PSD3: variants seen among roughly 807,000 people sequenced by gnomAD.
PSD3 encodes the protein pleckstrin and Sec7 domain containing 3.
PSD3 carries 49 observed loss-of-function variants against 105.5 expected under a neutral mutation model. The observed-to-expected ratio is 0.46, with a 90% CI of 0.37 to 0.59. PSD3 has a LOEUF of 0.59. Among genes scored for constraint, PSD3 ranks in the 20% least tolerant of loss-of-function variants. PSD3 has a pLI of 0.00. For synonymous variants in PSD3, 557 were observed against 457.8 expected (o/e 1.22, Z -2.77); for missense variants, 1,561 against 1,263.8 (o/e 1.24, Z -3.57).
At chr8:18,688,993 C>T (rs1004875012) in intron 9 of PSD3, among the ~76,000 whole-genome samples, 3 of 152,130 alleles carry the variant, frequency 2.0e-5, no homozygotes, top group East Asian at 1.9e-4. Flanking sequence ...ACTAATTAAG[C>T]GGAAGGCTGG....
At chr8:18,979,631 T>A (rs1825146340) in intron 1 of PSD3, 1 of 153,604 alleles carries the variant, frequency 6.5e-6, no homozygotes, top group Admixed American at 6.4e-5. Context: ...TTCTTCTTGT[T>A]AGAGCTCGGA....
chr8:18,817,085 G>A lies in PSD3; in HGVS notation c.1635-12187C>T, dbSNP rs553631427. ...ATGGCCCAGAGGAGCCTCCATGGCTGGAGAGGAGTGAGCAAGGGGAAGAGG... is the reference window on the plus strand; with the variant it reads ...ATGGCCCAGAGGAGCCTCCATGGCTAGAGAGGAGTGAGCAAGGGGAAGAGG... On this transcript the variant is annotated intron_variant, in intron 4 of 15. Coordinates refer to ENST00000327040, the MANE Select transcript of PSD3 (RefSeq NM_015310.4). Among the ~76,000 whole-genome samples the A allele has an allele frequency of 2.6e-5, 4 of 152,158 alleles. 1 individual carries two copies. In the South Asian group the frequency reaches 8.3e-4, roughly 32 times the overall value.
chr8:18,999,154 T>C (rs1826236370), intron 1 of PSD3, among the ~76,000 whole-genome samples: 1 of 151,992 alleles, frequency 6.6e-6, no homozygotes, highest in Non-Finnish European at 1.5e-5. Flanking sequence ...TCCTAATGTC[T>C]CTACCTTATA....
intron 14 of PSD3, among the ~76,000 whole-genome samples, chr8:18,567,097 G>T (rs566864738): frequency 6.6e-6 from 1 of 152,266 alleles, no homozygotes; most frequent in African/African-American, 2.4e-5. Flanking sequence ...GTTGCTCTAA[G>T]TTACATTCAC....
intron 1 of PSD3, among the ~76,000 whole-genome samples, chr8:18,969,785 G>A (rs1824516445): frequency 1.3e-5 from 2 of 152,010 alleles, no homozygotes; most frequent in Middle Eastern, 3.2e-3. Flanking sequence ...TTCTAGTCAC[G>A]AGGAGCAAAT....
At chr8:18,580,654 A>C (rs1316409107) in intron 12 of PSD3, among the ~76,000 whole-genome samples, 1 of 152,198 alleles carries the variant, frequency 6.6e-6, no homozygotes, top group African/African-American at 2.4e-5. Flanking sequence ...CCAGAGAATA[A>C]AGATGATTCT....
At chr8:19,051,352 A>G (rs1828523108) in intron 1 of PSD3, among the ~76,000 whole-genome samples, 2 of 152,146 alleles carry the variant, frequency 1.3e-5, no homozygotes, top group Non-Finnish European at 2.9e-5. Context: ...ACATACTCTC[A>G]TATGACTCAG....
At chr8:18,582,925 A>C (rs1309865266) in intron 12 of PSD3, among the ~76,000 whole-genome samples, 1 of 149,656 alleles carries the variant, frequency 6.7e-6, no homozygotes, top group Non-Finnish European at 1.5e-5. Flanking sequence ...TCCTGGGTTC[A>C]AGCAATTCTC....
chr8:18,681,104 A>C (rs1436349107), intron 9 of PSD3, among the ~76,000 whole-genome samples: 1 of 152,228 alleles, frequency 6.6e-6, no homozygotes, highest in Non-Finnish European at 1.5e-5. Context: ...TATTACACCT[A>C]TTCTAGAAAG....
In PSD3 at chr8:18,527,552, C is replaced by T. The variant is rs1200816253; in HGVS notation, c.*8191G>A. 2.0e-5 allele frequency: 3 copies of T among 152,612 alleles called. No individual in the cohort carries two copies. The highest frequency in any genetic ancestry group is 2.0e-4 in the Admixed American group (3 of 15,268). 9.5% of individuals were successfully genotyped at this position (152,612 alleles called of 1,614,324 possible). ...CAGCTTCTATACATATCAGATGACT[C>T]ACTTGTCTACAAGGTTTAGATTTAC... is the stretch of plus-strand genomic sequence containing the variant. On this transcript the variant is annotated 3_prime_UTR_variant, in exon 16 of 16. Coordinates refer to ENST00000327040, the MANE Select transcript of PSD3 (RefSeq NM_015310.4).
chr8:18,715,326 T>C (rs1213950539), intron 9 of PSD3, among the ~76,000 whole-genome samples: 2 of 151,856 alleles, frequency 1.3e-5, no homozygotes, highest in Non-Finnish European at 2.9e-5. Flanking sequence ...AATGACCCAT[T>C]AATAGGTTAC....
chr8:18,650,127 G>T (rs1291423804), intron 10 of PSD3, among the ~76,000 whole-genome samples: 2 of 152,194 alleles, frequency 1.3e-5, no homozygotes, highest in African/African-American at 4.8e-5. Context: ...TGAAAGAGAG[G>T]AACATTAATT....
In PSD3 at chr8:18,528,783, C is replaced by T. The variant is rs1302297505; in HGVS notation, c.*6960G>A. 6.6e-6 allele frequency: 1 copy of T among 152,646 alleles called. No individual in the cohort carries two copies. Among genetic ancestry groups the T allele is most frequent in the Non-Finnish European group, 1.5e-5 (1 of 68,056 alleles). 9.5% of individuals were successfully genotyped at this position (152,646 alleles called of 1,614,324 possible). A position where few individuals can be genotyped will look rare whatever the true frequency, so the allele number is the denominator to read the frequency against. On this transcript the variant is annotated 3_prime_UTR_variant, in exon 16 of 16. Coordinates refer to ENST00000327040, the MANE Select transcript of PSD3 (RefSeq NM_015310.4). ...AAATATTAAGTGAAACTCCAAAATT[C>T]TCTCCATTAACCAACATTTTCAGGA...
At chr8:18,568,257 T>C (rs2130287158) in intron 14 of PSD3, among the ~76,000 whole-genome samples, 1 of 152,280 alleles carries the variant, frequency 6.6e-6, no homozygotes, top group African/African-American at 2.4e-5. Flanking sequence ...AATATCACAT[T>C]TTTAAATCTA....
chr8:18,851,280 C>T lies in PSD3; in HGVS notation c.1634+16394G>A, dbSNP rs185120494. 2.3e-4 allele frequency among the ~76,000 whole-genome samples: 35 copies of T among 152,292 alleles called. No individual in the cohort carries two copies. In the South Asian group the frequency reaches 3.7e-3, roughly 16 times the overall value. On this transcript the variant is annotated intron_variant, in intron 4 of 15. Transcript: ENST00000327040. ...AGTCATAGCTGGTAAACAACAAGGC[C>T]GGAAGTTGAGCCTACATCTTCCAAC...
At chr8:18,896,312 C>A (rs951453685) in intron 2 of PSD3, among the ~76,000 whole-genome samples, 6 of 152,202 alleles carry the variant, frequency 3.9e-5, no homozygotes, top group Non-Finnish European at 8.8e-5. Context: ...ATACTGATTT[C>A]CTTTTTTCTG....
chr8:18,826,234 C>CT (rs1404869930), intron 4 of PSD3, among the ~76,000 whole-genome samples: 11 of 152,306 alleles, frequency 7.2e-5, no homozygotes, highest in African/African-American at 2.4e-4. Flanking sequence ...ACACCAGAGG[C>CT]TTCCCTGGGT....
At chr8:19,031,068 A>G (rs1827751118) in intron 1 of PSD3, among the ~76,000 whole-genome samples, 1 of 152,190 alleles carries the variant, frequency 6.6e-6, no homozygotes, top group Non-Finnish European at 1.5e-5. Context: ...CAAATGGACT[A>G]TGTACCAGCA....
chr8:18,894,742 G>C (rs1385748715), intron 2 of PSD3, among the ~76,000 whole-genome samples: 1 of 152,096 alleles, frequency 6.6e-6, no homozygotes, highest in East Asian at 1.9e-4. Context: ...TTGACAATCG[G>C]AACTCCCACC....
Sources: gnomAD v4.1 joint callset for allele counts (sites outside exome capture counted in the v4.1 genomes callset) on GRCh38, gnomAD v4.1.1 for gene constraint, MANE v1.5 for transcripts, NCBI Gene and HGNC (gene_info 2026-07-23, HGNC 2026-07-21) for gene names.